Variants in WWC2 observed in about 807,000 individuals in gnomAD.
The protein encoded by WWC2 is WW and C2 domain containing 2.
Under a neutral mutation model 138.5 loss-of-function variants are expected in WWC2, and 101 were observed. The ratio of observed to expected loss-of-function variants is 0.73; its 90% confidence interval spans 0.62 to 0.86. The LOEUF is 0.86. WWC2 is among the 40% of genes least tolerant of loss of function. The pLI, the probability that WWC2 is intolerant of heterozygous loss-of-function variation, is 0.00. For synonymous variants in WWC2, 558 were observed against 538.4 expected (o/e 1.04, Z -0.50); for missense variants, 1,420 against 1,419.4 (o/e 1.00, Z -0.01).
intron 14 of WWC2, among the ~76,000 whole-genome samples, chr4:183,267,749 T>C (rs528136671): frequency 1.3e-5 from 2 of 152,306 alleles, no homozygotes; most frequent in East Asian, 3.9e-4. Flanking sequence ...CATTTGCTCT[T>C]CGGCTCCCCA....
intron 1 of WWC2, among the ~76,000 whole-genome samples, chr4:183,107,183 A>G (rs961020301): frequency 1.3e-5 from 2 of 149,944 alleles, no homozygotes; most frequent in African/African-American, 2.5e-5. Context: ...TTTGAGACGG[A>G]GCCGGTCTCT....
At chr4:183,259,989 CAT>C (rs1737273678) in intron 10 of WWC2, among the ~76,000 whole-genome samples, 1 of 152,098 alleles carries the variant, frequency 6.6e-6, no homozygotes, top group Non-Finnish European at 1.5e-5. Context: ...GCATTTTTCC[CAT>C]TGCCCCATTT....
chr4:183,304,780 C>G (rs1433075726), intron 21 of WWC2, among the ~76,000 whole-genome samples: 1 of 152,180 alleles, frequency 6.6e-6, no homozygotes, highest in Non-Finnish European at 1.5e-5. Flanking sequence ...TTCTTTACCC[C>G]CATCTTACCA....
intron 1 of WWC2, among the ~76,000 whole-genome samples, chr4:183,116,032 G>A (rs201643418): frequency 1.3e-5 from 2 of 152,074 alleles, no homozygotes; most frequent in East Asian, 3.9e-4. Context: ...TGTAGGAAGG[G>A]GTCCAGTTTC....
chr4:183,141,054 A>T (rs1367406784), intron 1 of WWC2, among the ~76,000 whole-genome samples: 1 of 152,240 alleles, frequency 6.6e-6, no homozygotes, highest in African/African-American at 2.4e-5. Flanking sequence ...AGTACCGAAC[A>T]GCCAGAAGAA....
intron 5 of WWC2, among the ~76,000 whole-genome samples, chr4:183,245,149 C>T (rs1198614902): frequency 2.0e-5 from 3 of 149,954 alleles, no homozygotes; most frequent in African/African-American, 7.4e-5. Context: ...ATTACTTGAA[C>T]CCAGGAGGCG....
intron 5 of WWC2, 185 bp downstream of exon 5, chr4:183,240,447 A>G (rs1052299593): frequency 4.1e-6 from 2 of 486,410 alleles, no homozygotes; most frequent in Non-Finnish European, 7.1e-6. Context: ...GGAAAGATCT[A>G]TGCACTTGAA....
intron 9 of WWC2, 108 bp from the exon 10 acceptor site, chr4:183,259,531 C>A: frequency 1.2e-6 from 1 of 865,246 alleles, no homozygotes; most frequent in Non-Finnish European, 1.7e-6. Context: ...GGAGCCCATT[C>A]ACATTTTTCC....
At chr4:183,223,116 A>G (rs569467177) in intron 4 of WWC2, among the ~76,000 whole-genome samples, 59 of 152,344 alleles carry the variant, frequency 3.9e-4, no homozygotes, top group African/African-American at 1.4e-3. Context: ...TAGATACACA[A>G]ATGCTTACAA....
rs753028860 is a variant in WWC2, at chr4:183,261,355, C to G, written c.1732C>G (p.Leu578Val). The G allele has an allele frequency of 1.2e-6, 2 of 1,613,334 alleles. No individual in the cohort carries two copies. The highest frequency in any genetic ancestry group is 1.7e-6 in the Non-Finnish European group (2 of 1,179,656). ...FPMSSSHDAS[L>V]HQFTADFEDC... ...CATGTCTTCTTCTCATGATGCCTCT[C>G]TCCATCAGTTCACTGCTGACTTTGA... The change falls in exon 11 of 23, where the codon CTC becomes GTC. Residue 578 changes from leucine (L) to valine (V), a missense_variant. Coordinates refer to ENST00000403733, the MANE Select transcript of WWC2 (RefSeq NM_024949.6).
At chr4:183,179,410 G>C (rs1734558205) in intron 1 of WWC2, among the ~76,000 whole-genome samples, 1 of 152,176 alleles carries the variant, frequency 6.6e-6, no homozygotes, top group Non-Finnish European at 1.5e-5. Context: ...GCTGTGTGGA[G>C]TATGGGTTAT....
At chr4:183,171,744 A>G (rs562502625) in intron 1 of WWC2, among the ~76,000 whole-genome samples, 2 of 152,316 alleles carry the variant, frequency 1.3e-5, no homozygotes, top group South Asian at 4.1e-4. Flanking sequence ...CCACATTTAC[A>G]TATTTAAAAG....
At chr4:183,248,891 GTGT>G (rs1435874072) in intron 7 of WWC2, 31 bp downstream of exon 7, 1 of 1,530,678 alleles carries the variant, frequency 6.5e-7, no homozygotes, top group African/African-American at 1.4e-5. Context: ...AGTTGGCCCA[GTGT>G]TGTCCTTGAT....
intron 16 of WWC2, among the ~76,000 whole-genome samples, chr4:183,279,920 A>G (rs1738008155): frequency 6.6e-6 from 1 of 152,036 alleles, no homozygotes; most frequent in Non-Finnish European, 1.5e-5. Context: ...CAGTTATTTT[A>G]GCATATTATT....
intron 1 of WWC2, among the ~76,000 whole-genome samples, chr4:183,174,821 CTT>C (rs1160812002): frequency 6.6e-6 from 1 of 152,018 alleles, no homozygotes; most frequent in African/African-American, 2.4e-5. Context: ...GTCTCTCTCT[CTT>C]TTGCGCTCTC....
chr4:183,209,873 A>G (rs747985990), intron 4 of WWC2, among the ~76,000 whole-genome samples: 1 of 152,194 alleles, frequency 6.6e-6, no homozygotes, highest in Non-Finnish European at 1.5e-5. Flanking sequence ...CCCCCTGGTC[A>G]TGAACTAGGT....
chr4:183,143,996 A>G (rs1273399341), intron 1 of WWC2, among the ~76,000 whole-genome samples: 1 of 152,220 alleles, frequency 6.6e-6, no homozygotes, highest in Non-Finnish European at 1.5e-5. Context: ...CAGAAAGGCC[A>G]AACTACTAGT....
At chr4:183,123,260 A>G (rs185760643) in intron 1 of WWC2, among the ~76,000 whole-genome samples, 2 of 152,336 alleles carry the variant, frequency 1.3e-5, no homozygotes, top group East Asian at 1.9e-4. Context: ...ATGTCTGTCA[A>G]TGGGAGATTG....
intron 4 of WWC2, among the ~76,000 whole-genome samples, chr4:183,236,623 A>G (rs1308349914): frequency 6.6e-6 from 1 of 152,234 alleles, no homozygotes; most frequent in Non-Finnish European, 1.5e-5. Context: ...GCTAGGTTAC[A>G]GTTCATCCAC....
Sources: gnomAD v4.1 joint callset for allele counts (sites outside exome capture counted in the v4.1 genomes callset) on GRCh38, gnomAD v4.1.1 for gene constraint, MANE v1.5 for transcripts, NCBI Gene and HGNC (gene_info 2026-07-23, HGNC 2026-07-21) for gene names.